TENM3: variants seen among roughly 807,000 people sequenced by gnomAD.
The protein encoded by TENM3 is teneurin transmembrane protein 3.
In TENM3, 63 loss-of-function variants were observed where a neutral mutation model predicts 255.1. That is an observed-to-expected ratio of 0.25 (90% CI 0.20 to 0.30). The LOEUF (loss-of-function observed/expected upper bound fraction) is 0.30. TENM3 is among the 10% of genes least tolerant of loss of function. The pLI is 1.00. For synonymous variants in TENM3, 1,306 were observed against 1,322.3 expected (o/e 0.99, Z 0.27); for missense variants, 2,929 against 3,461.1 (o/e 0.85, Z 3.86).
chr4:182,470,718 A>T (rs762356011), intron 3 of TENM3, among the ~76,000 whole-genome samples: 6 of 152,224 alleles, frequency 3.9e-5, no homozygotes, highest in Non-Finnish European at 8.8e-5. Flanking sequence ...TCCATTATGT[A>T]GAAAGCTCTA....
At chr4:182,428,693 T>C (rs1302032647) in intron 3 of TENM3, among the ~76,000 whole-genome samples, 1 of 152,088 alleles carries the variant, frequency 6.6e-6, no homozygotes, top group East Asian at 1.9e-4. Context: ...ACCATAAATG[T>C]ATATATTAGA....
chr4:182,228,357 A>AAT (rs1554035066), intron 1 of TENM3, among the ~76,000 whole-genome samples: 1,354 of 63,672 alleles, frequency 0.021, 168 homozygotes, highest in African/African-American at 0.049. Context: ...AATGTAATGT[A>AAT]ATGTGTGTGT....
the TENM3 span, among the ~76,000 whole-genome samples, chr4:181,614,019 AT>A: frequency 0.54 from 81,472 of 151,900 alleles, 22,611 homozygotes; most frequent in Admixed American, 0.63. Context: ...AAGCATAGTT[AT>A]TTTTTTACCA....
intron 25 of TENM3, among the ~76,000 whole-genome samples, chr4:182,791,244 C>T (rs2152828458): frequency 6.6e-6 from 1 of 152,322 alleles, no homozygotes; most frequent in South Asian, 2.1e-4. Flanking sequence ...GGAGATTCTA[C>T]AGAAGCTGAA....
At position 182,694,230 on chromosome 4, in the gene TENM3, C is replaced by G. The variant is rs146907393; in HGVS notation, c.2221+5879C>G. On this transcript the variant is annotated intron_variant, in intron 12 of 27. Transcript: ENST00000511685. ...GCCCAAGTGATCCTCCCACGTCAGC[C>G]TCCCGAATAGCTGGGACCTCAGGAG... Among the ~76,000 whole-genome samples, 866 of 152,136 alleles carry G rather than the reference C, an allele frequency of 5.7e-3. 7 individuals are homozygous for G. The highest frequency in any genetic ancestry group is 0.02 in the African/African-American group (813 of 41,480).
intron 3 of TENM3, among the ~76,000 whole-genome samples, chr4:182,440,182 G>A (rs1772359912): frequency 7.1e-6 from 1 of 141,264 alleles, no homozygotes; most frequent in Non-Finnish European, 1.5e-5. Flanking sequence ...GTGCGATCTC[G>A]GCTCACTGCA....
At chr4:182,077,469 A>G in the TENM3 span, among the ~76,000 whole-genome samples, 1 of 152,236 alleles carries the variant, frequency 6.6e-6, no homozygotes, top group Non-Finnish European at 1.5e-5. Context: ...TAGTGAACTA[A>G]TGATTGTATC....
At chr4:182,075,357 C>T in the TENM3 span, among the ~76,000 whole-genome samples, 4 of 151,976 alleles carry the variant, frequency 2.6e-5, no homozygotes, top group African/African-American at 9.7e-5. Flanking sequence ...TGTCACCACA[C>T]CCTGCTAATT....
chr4:182,591,581 C>T (rs1746653862), intron 3 of TENM3, among the ~76,000 whole-genome samples: 1 of 152,138 alleles, frequency 6.6e-6, no homozygotes, highest in Admixed American at 6.5e-5. Context: ...ATTTGATTTA[C>T]AGGCAACTAT....
intron 1 of TENM3, among the ~76,000 whole-genome samples, chr4:182,306,487 C>T (rs999384112): frequency 1.3e-5 from 2 of 152,142 alleles, no homozygotes; most frequent in Non-Finnish European, 1.5e-5. Context: ...CTACTTGAAT[C>T]TTTGAGTTAC....
chr4:181,616,787 G>T, the TENM3 span, among the ~76,000 whole-genome samples: 1 of 152,132 alleles, frequency 6.6e-6, no homozygotes, highest in Non-Finnish European at 1.5e-5. Context: ...AGAAATGAGA[G>T]AGTAAATTCA....
chr4:182,079,268 G>A, the TENM3 span, among the ~76,000 whole-genome samples: 1 of 152,146 alleles, frequency 6.6e-6, no homozygotes, highest in African/African-American at 2.4e-5. Flanking sequence ...TGTAATCCTA[G>A]CACTTTGGGA....
the TENM3 span, among the ~76,000 whole-genome samples, chr4:181,752,072 C>G: frequency 6.6e-6 from 1 of 152,142 alleles, no homozygotes; most frequent in Non-Finnish European, 1.5e-5. Context: ...AGCTTAAAAG[C>G]AGCAGCCTGG....
At chr4:182,522,116 G>A (rs750240073) in intron 3 of TENM3, among the ~76,000 whole-genome samples, 4 of 152,180 alleles carry the variant, frequency 2.6e-5, no homozygotes, top group Admixed American at 6.5e-5. Flanking sequence ...TGTGTACAAT[G>A]TGTAAATGAT....
chr4:182,304,459 G>A (rs901999264), intron 1 of TENM3, among the ~76,000 whole-genome samples: 5 of 152,080 alleles, frequency 3.3e-5, no homozygotes, highest in East Asian at 1.9e-4. Flanking sequence ...TGATCCACCC[G>A]CCTCGGCCTC....
chr4:182,425,641 T>A (rs1294405815), intron 3 of TENM3, among the ~76,000 whole-genome samples: 1 of 152,218 alleles, frequency 6.6e-6, no homozygotes, highest in Non-Finnish European at 1.5e-5. Context: ...GTGCTTCCAT[T>A]CTTTGTATCA....
At chr4:181,733,616 C>T in the TENM3 span, among the ~76,000 whole-genome samples, 2 of 152,076 alleles carry the variant, frequency 1.3e-5, no homozygotes, top group Non-Finnish European at 2.9e-5. Flanking sequence ...ATGATGCTAC[C>T]AGCTTTGGAC....
At chr4:182,185,776 T>C (rs917557119) in intron 1 of TENM3, among the ~76,000 whole-genome samples, 5 of 152,238 alleles carry the variant, frequency 3.3e-5, no homozygotes, top group African/African-American at 7.2e-5. Flanking sequence ...TTCTGTTGAA[T>C]CGATTCACTG....
At chr4:181,981,029 C>T in the TENM3 span, among the ~76,000 whole-genome samples, 1 of 152,060 alleles carries the variant, frequency 6.6e-6, no homozygotes, top group Non-Finnish European at 1.5e-5. Context: ...AGAGGCGGTC[C>T]AGGACTCCAA....
Sources: gnomAD v4.1 joint callset for allele counts (sites outside exome capture counted in the v4.1 genomes callset) on GRCh38, gnomAD v4.1.1 for gene constraint, MANE v1.5 for transcripts, NCBI Gene and HGNC (gene_info 2026-07-23, HGNC 2026-07-21) for gene names.